KMT2D: variants seen among roughly 807,000 people sequenced by gnomAD.
KMT2D encodes histone-lysine N-methyltransferase 2D.
A neutral mutation model predicts 512.7 loss-of-function variants in KMT2D; 55 were observed. The ratio of observed to expected loss-of-function variants is 0.11; its 90% confidence interval spans 0.09 to 0.13. The LOEUF (loss-of-function observed/expected upper bound fraction) is 0.13, where lower values mean the gene tolerates loss of function less well. Among genes scored for constraint, KMT2D ranks in the 10% least tolerant of loss-of-function variants. The pLI is 1.00. For synonymous variants in KMT2D, 2,995 were observed against 2,904.0 expected, an observed-to-expected ratio of 1.03 and a Z score of -1.01; for missense variants, 6,061 against 7,127.9, an observed-to-expected ratio of 0.85 and a Z score of 5.39.
rs1310392436 is a variant in KMT2D, at chr12:49,020,909, T to C, written c.*871A>G. ...CAGTCATCCCCAATCTTCATCATCA[T>C]TTGCCTCAACCACCATCCCATGCCC... On this transcript the variant is annotated 3_prime_UTR_variant, in exon 55 of 55. Transcript: ENST00000301067. 1 of 195,806 alleles carries C rather than the reference T, an allele frequency of 5.1e-6. No individual in the cohort carries two copies. Among genetic ancestry groups the C allele is most frequent in the African/African-American group, 2.3e-5 (1 of 43,210 alleles). The allele number at this position is 195,806 out of a possible 1,614,324, so 12.1% of individuals were successfully genotyped here. A position where few individuals can be genotyped will look rare whatever the true frequency, so the allele number is the denominator to read the frequency against.
In KMT2D at chr12:49,038,460, G is replaced by C. The variant is rs970105771; in HGVS notation, c.8896C>G (p.Arg2966Gly). The change falls in exon 35 of 55, where the codon CGG (arginine) becomes GGG (glycine). Residue 2966 changes from arginine to glycine, a missense_variant. By Grantham distance (125) the Arg-to-Gly change is moderately radical. Coordinates refer to ENST00000301067, the MANE Select transcript of KMT2D (RefSeq NM_003482.4). This position sits in a 1 kb window ranked among gnomAD's most constrained non-coding sequence, Gnocchi z 5.7. Reference sequence around the variant, plus strand: ...CCAAGCTCAGTGCTCGACGGGGGCCGGTTGACCAGCTCCAAACCAGTTGGC... The same window carrying C: ...CCAAGCTCAGTGCTCGACGGGGGCCCGTTGACCAGCTCCAAACCAGTTGGC... ...TLPTGLELVN[R>G]PPSSTELGRP... 1 of 1,608,692 alleles carries C rather than the reference G, an allele frequency of 6.2e-7. No homozygotes were observed. The highest frequency in any genetic ancestry group is 8.5e-7 in the Non-Finnish European group (1 of 1,176,348).
chr12:49,060,132 C>G lies in KMT2D; in HGVS notation c.-557G>C, dbSNP rs1364804869. ...GAGCCCCTCTCCCCGCCCCGGCCGG[C>G]GCCCGGGGCCGCGCGAGCTACGGCG... On this transcript the variant is annotated 5_prime_UTR_variant, in exon 1 of 55. Coordinates refer to ENST00000301067, the MANE Select transcript of KMT2D (RefSeq NM_003482.4). Among the ~76,000 whole-genome samples the G allele has an allele frequency of 6.6e-6, 1 of 151,004 alleles. No homozygotes were observed. The highest frequency in any genetic ancestry group is 1.5e-5 in the Non-Finnish European group (1 of 67,648).
chr12:49,033,609 A>C lies in KMT2D; in HGVS notation c.11096T>G (p.Phe3699Cys), dbSNP rs766095318. 6.2e-7 allele frequency: 1 copy of C among 1,613,610 alleles called. No individual in the cohort carries two copies. Among genetic ancestry groups the C allele is most frequent in the Non-Finnish European group, 8.5e-7 (1 of 1,179,866 alleles). The change falls in exon 40 of 55, where the codon TTC becomes TGC. Residue 3699 changes from phenylalanine (F) to cysteine (C), a missense_variant. By Grantham distance (205) the Phe-to-Cys change is radical. Coordinates refer to ENST00000301067, the MANE Select transcript of KMT2D (RefSeq NM_003482.4). ...TCGAAGAGCAAGGTTGCCAGGGAAG[A>C]AGCCCCCTGAAGGGCCAGCCAGGGA... Reference protein sequence around the residue: ...AGSLAGPSGGFFPGNLALRSL... With the variant: ...AGSLAGPSGGCFPGNLALRSL...
intron 36 of KMT2D, 45 bp downstream of exon 36, chr12:49,034,767 A>G (rs1245037035): frequency 6.2e-7 from 1 of 1,607,980 alleles, no homozygotes; most frequent in Non-Finnish European, 8.5e-7. Flanking sequence ...AAGGGGTGTG[A>G]CTGGGAAAGA....
At position 49,035,361 on chromosome 12, in the gene KMT2D, T is replaced by A. The variant is rs140269514; in HGVS notation, c.10232-426A>T. ...ACTAGCACAGCCCAAGCACCCAAGA[T>A]GCTGGCACTGTTGCAAAGCCCTAGA... On this transcript the variant is annotated intron_variant, in intron 35 of 54. Coordinates refer to ENST00000301067, the MANE Select transcript of KMT2D (RefSeq NM_003482.4). Among the ~76,000 whole-genome samples the A allele has an allele frequency of 3.7e-3, 565 of 152,332 alleles. 4 individuals carry two copies. Among genetic ancestry groups the A allele is most frequent in the Middle Eastern group, 0.024 (7 of 294 alleles).
rs201744660 is a variant in KMT2D at position 49,038,784 on chromosome 12, A to C, written c.8572T>G (p.Ser2858Ala). 6.3e-7 allele frequency: 1 copy of C among 1,595,348 alleles called. No individual in the cohort carries two copies. Among genetic ancestry groups the C allele is most frequent in the African/African-American group, 1.3e-5 (1 of 74,716 alleles). The change falls in exon 35 of 55, where the codon TCC (serine) becomes GCC (alanine). Residue 2858 changes from serine (S) to alanine (A), a missense_variant. By Grantham distance (99) the Ser-to-Ala change is moderately conservative (BLOSUM62 1). Transcript: ENST00000301067. The surrounding 1 kb of genome is among the most constrained non-coding windows in gnomAD (Gnocchi z 5.7). ...TCACCAGGGCCTGGCAGACGGGTGG[A>C]AATTCCCGCCAACGGGGAACCTAGG... ...QALGSPLAGI[S>A]TRLPGPGEPV...
At position 49,050,987 on chromosome 12, in the gene KMT2D, G is replaced by C. The variant is rs2120661257; in HGVS notation, c.2696C>G (p.Ala899Gly). 6.4e-7 allele frequency: 1 copy of C among 1,569,476 alleles called. No individual in the cohort carries two copies. ...PSLSPLLGEPALSEPGEPPLS... is the reference protein window; with the variant it reads ...PSLSPLLGEPGLSEPGEPPLS... ...AGGTGGTTCCCCAGGCTCAGACAGG[G>C]CTGGCTCTCCAAGCAAGGGAGATAA... Residue 899 changes from alanine (A) to glycine (G), a missense_variant, in exon 11 of 55, where the codon GCC becomes GGC. Around this residue, in one of 16 missense-constraint regions of KMT2D, gnomAD observed 848 missense variants for 838.5 expected, o/e 1.01. Coordinates refer to ENST00000301067, the MANE Select transcript of KMT2D (RefSeq NM_003482.4).
Position 49,031,389 on chromosome 12 carries a change from G to A in KMT2D, c.13316C>T (p.Pro4439Leu), listed in dbSNP as rs1241744534. ...QSVKREANGE[P>L]IGAPGTSNHL... ...GTTGCTGGTTCCTGGTGCCCCTATT[G>A]GCTCCCCATTGGCCTCCCTCTTCAC... The change falls in exon 40 of 55, where the codon CCA becomes CTA. Residue 4439 changes from proline (P) to leucine (L), a missense_variant. Pro to Leu is a moderately conservative substitution (Grantham distance 98). Transcript: ENST00000301067. 2 of 1,613,476 alleles carry A rather than the reference G, an allele frequency of 1.2e-6. No individual in the cohort carries two copies. The highest frequency in any genetic ancestry group is 2.7e-5 in the African/African-American group (2 of 74,918).
In KMT2D at chr12:49,046,466, C is replaced by T. The variant is rs777830684; in HGVS notation, c.4419-42G>A. The T allele has an allele frequency of 2.4e-5, 39 of 1,604,690 alleles. No individual in the cohort carries two copies. In the Admixed American group the frequency reaches 6.5e-4, roughly 27 times the overall value. ...AACAGAGCTTTAGCACCCAACCTAC[C>T]CGAAGTACCCAGAAGTCCCCTCACC... is the stretch of plus-strand genomic sequence containing the variant. On this transcript the variant is annotated intron_variant, in intron 16 of 54. Coordinates refer to ENST00000301067, the MANE Select transcript of KMT2D (RefSeq NM_003482.4). The surrounding 1 kb of genome is among the most constrained non-coding windows in gnomAD (Gnocchi z 4.2).
Position 49,052,990 on chromosome 12 carries a change from CAG to C in KMT2D, c.1035_1036del (p.Cys346SerfsTer17). 1 of 1,614,044 alleles carries C rather than the reference CAG, an allele frequency of 6.2e-7. No homozygotes were observed. The highest frequency in any genetic ancestry group is 8.5e-7 in the Non-Finnish European group (1 of 1,179,886). ...TCCCTGGGCTTTGTGACAGCGGTGA[CAG>C]AGAGAGTAGTTCTCAAACCACTCCG... On this transcript the variant is annotated frameshift_variant, in exon 9 of 55. Coordinates refer to ENST00000301067, the MANE Select transcript of KMT2D (RefSeq NM_003482.4). LOFTEE classifies it high-confidence loss of function.
At position 49,028,031 on chromosome 12, in the gene KMT2D, C is replaced by T. The variant is rs1201177798; in HGVS notation, c.14493G>A (p.Lys4831=). 21 of 1,613,258 alleles carry T rather than the reference C, an allele frequency of 1.3e-5. No individual in the cohort carries two copies. Among genetic ancestry groups the T allele is most frequent in the Non-Finnish European group, 1.8e-5 (21 of 1,179,592 alleles). Residue 4831 remains lysine (K), a synonymous_variant, in exon 47 of 55, where the codon AAG becomes AAA. Transcript: ENST00000301067. ...CACCAGGACCCTCAGCTTCCCCCTT[C>T]TTTGGCTCAGTGCCTGCCCGGGCGG... ...ESPARAGTEP[K]KGEAEGPGGK... is the part of the protein sequence containing the mutation.
At chr12:49,035,551 C>CTT (rs1037660365) in intron 35 of KMT2D, 1 of 152,244 alleles carries the variant, frequency 6.6e-6, no homozygotes, top group Admixed American at 6.5e-5. Context: ...CATCCACTTT[C>CTT]TTTTTTTCTT....
chr12:49,039,103 GGAA>G lies in KMT2D; in HGVS notation c.8366+116_8367-115del, dbSNP rs1943363518. ...ATGCAGTGAGGGAGAAAAGGAATGA[GGAA>G]GAAGAGAAAGTGATACTGGAAAAGG... is the stretch of plus-strand genomic sequence containing the variant. On this transcript the variant is annotated intron_variant, in intron 34 of 54. Coordinates refer to ENST00000301067, the MANE Select transcript of KMT2D (RefSeq NM_003482.4). The surrounding 1 kb of genome is among the most constrained non-coding windows in gnomAD (Gnocchi z 5.0). The G allele has an allele frequency of 6.6e-7, 1 of 1,525,920 alleles. No individual in the cohort carries two copies. The highest frequency in any genetic ancestry group is 1.1e-5 in the South Asian group (1 of 87,926). The allele number at this position is 1,525,920 out of a possible 1,614,324, so 94.5% of individuals were successfully genotyped here. A position where few individuals can be genotyped will look rare whatever the true frequency, so the allele number is the denominator to read the frequency against.
rs748118345 is a variant in KMT2D, at chr12:49,041,363, G to C, written c.6407C>G (p.Ser2136Cys). ...IGSPTTPAGL[S>C]TSADGFLKPP... ...CTTCAGGAACCCGTCCGCAGAGGTA[G>C]ACAAGCCGGCGGGGGTAGTGGGGCT... Residue 2136 changes from serine (S) to cysteine (C), a missense_variant, in exon 32 of 55, where the codon TCT becomes TGT. This residue lies in a region of KMT2D where 710 missense variants were observed against 647.3 expected (regional missense o/e 1.10). Coordinates refer to ENST00000301067, the MANE Select transcript of KMT2D (RefSeq NM_003482.4). The surrounding 1 kb of genome is among the most constrained non-coding windows in gnomAD (Gnocchi z 5.4). The C allele has an allele frequency of 1.3e-6, 2 of 1,584,484 alleles. No individual in the cohort carries two copies. The highest frequency in any genetic ancestry group is 1.3e-5 in the African/African-American group (1 of 74,478).
intron 48 of KMT2D, 119 bp downstream of exon 48, chr12:49,027,684 G>T: frequency 7.7e-7 from 1 of 1,300,296 alleles, no homozygotes; most frequent in Non-Finnish European, 1.1e-6. Flanking sequence ...CAAACTCCTG[G>T]CCTAAAGTGA....
intron 51 of KMT2D, among the ~76,000 whole-genome samples, chr12:49,023,340 C>A (rs1322217360): frequency 2.6e-5 from 4 of 152,186 alleles, no homozygotes; most frequent in Non-Finnish European, 4.4e-5. Flanking sequence ...GGGGACTGTG[C>A]CTACCACGCT....
rs904734312 is a variant in KMT2D, at chr12:49,024,042, G to A, written c.16052+536C>T. On this transcript the variant is annotated intron_variant, in intron 51 of 54. Coordinates refer to ENST00000301067, the MANE Select transcript of KMT2D (RefSeq NM_003482.4). This position sits in a 1 kb window ranked among gnomAD's most constrained non-coding sequence, Gnocchi z 4.5. ...CTGTAAAATGGGGGTCATACCACCTGCCCTACCTACCTCATAAGGTTGTTG... is the reference window on the plus strand; with the variant it reads ...CTGTAAAATGGGGGTCATACCACCTACCCTACCTACCTCATAAGGTTGTTG... 4 of 454,252 alleles carry A rather than the reference G, an allele frequency of 8.8e-6. No individual in the cohort carries two copies. Among genetic ancestry groups the A allele is most frequent in the East Asian group, 1.4e-4 (2 of 14,410 alleles). 28.1% of individuals were successfully genotyped at this position (454,252 alleles called of 1,614,324 possible).
rs1260818117 is a variant in KMT2D at position 49,021,664 on chromosome 12, GC to G, written c.*115del. The G allele has an allele frequency of 2.3e-6, 2 of 872,224 alleles. No homozygotes were observed. Among genetic ancestry groups the G allele is most frequent in the African/African-American group, 3.4e-5 (2 of 59,078 alleles). The allele number at this position is 872,224 out of a possible 1,614,324, so 54.0% of individuals were successfully genotyped here. ...CTCCTGCTCCAGGGGCTCCGGGTCA[GC>G]CGGCAGCCCCAACCCTGGGTCCTGG... On this transcript the variant is annotated 3_prime_UTR_variant, in exon 55 of 55. Coordinates refer to ENST00000301067, the MANE Select transcript of KMT2D (RefSeq NM_003482.4).
At chr12:49,036,478 ATTTTTTTTTTT>A (rs34412400) in intron 35 of KMT2D, among the ~76,000 whole-genome samples, 12 of 73,448 alleles carry the variant, frequency 1.6e-4, no homozygotes, top group African/African-American at 2.8e-4. Context: ...CACCCAGCTA[ATTTTTTTTTTT>A]TTTTTTTTTT....
Sources: allele counts gnomAD v4.1 joint callset (sites outside exome capture counted in the v4.1 genomes callset), GRCh38; gene constraint gnomAD v4.1.1; regional missense constraint gnomAD v4.1.1; non-coding constraint Gnocchi (gnomAD v3.1); transcripts MANE v1.5; gene names NCBI Gene and HGNC (gene_info 2026-07-23, HGNC 2026-07-21).